The following MSI2 variants were observed in gnomAD, a reference collection of about 807,000 sequenced individuals.
MSI2 encodes the protein musashi RNA binding protein 2, also known as RNA-binding protein Musashi homolog 2.
Under a neutral mutation model 45.6 loss-of-function variants are expected in MSI2, and 17 were observed. That is an observed-to-expected ratio of 0.37 (90% CI 0.26 to 0.56). The LOEUF (loss-of-function observed/expected upper bound fraction) is 0.56. MSI2 is among the 20% of genes least tolerant of loss of function. The probability of loss-of-function intolerance (pLI) is 0.77; values close to 1 mark genes in which losing one functional copy is unlikely to be tolerated. For synonymous variants in MSI2, 156 were observed against 158.2 expected (o/e 0.99, Z 0.11); for missense variants, 293 against 444.2 (o/e 0.66, Z 3.06).
At chr17:57,665,269 T>C (rs1912285887) in intron 11 of MSI2, among the ~76,000 whole-genome samples, 1 of 152,204 alleles carries the variant, frequency 6.6e-6, no homozygotes, top group Non-Finnish European at 1.5e-5. Context: ...ATTAAGGGCA[T>C]GTACCAGTAG....
chr17:57,622,966 C>T (rs1042316070), intron 9 of MSI2, among the ~76,000 whole-genome samples: 20 of 152,114 alleles, frequency 1.3e-4, no homozygotes, highest in African/African-American at 3.4e-4. Context: ...TATCACTAGC[C>T]GCCTGTGCAC....
intron 5 of MSI2, among the ~76,000 whole-genome samples, chr17:57,357,103 G>T (rs1457076966): frequency 2.0e-5 from 3 of 152,126 alleles, no homozygotes; most frequent in Non-Finnish European, 4.4e-5. Context: ...TCTCCTTAAT[G>T]ATTCAGGCCT....
chr17:57,349,400 G>T (rs1915849817), intron 5 of MSI2, among the ~76,000 whole-genome samples: 1 of 152,192 alleles, frequency 6.6e-6, no homozygotes, highest in African/African-American at 2.4e-5. Flanking sequence ...TGAGAAGCGT[G>T]TGGTAAACTC....
intron 11 of MSI2, among the ~76,000 whole-genome samples, chr17:57,663,432 G>A (rs920101262): frequency 5.9e-5 from 9 of 152,186 alleles, no homozygotes; most frequent in Non-Finnish European, 1.2e-4. Context: ...TGTGTAGCCG[G>A]GAAAGGCACC....
intron 5 of MSI2, among the ~76,000 whole-genome samples, chr17:57,367,586 A>G (rs555319799): frequency 6.6e-6 from 1 of 152,322 alleles, no homozygotes; most frequent in Non-Finnish European, 1.5e-5. Flanking sequence ...CCTGTAGCTT[A>G]GGAACAGCAG....
intron 6 of MSI2, among the ~76,000 whole-genome samples, chr17:57,500,790 CAAAAAAA>C (rs58479533): frequency 9.3e-6 from 1 of 107,138 alleles, no homozygotes; most frequent in South Asian, 3.3e-4. Context: ...CTGTCTCTAC[CAAAAAAA>C]AAAAAAAAAA....
chr17:57,622,503 G>A (rs559342060), intron 9 of MSI2, among the ~76,000 whole-genome samples: 34 of 152,332 alleles, frequency 2.2e-4, no homozygotes, highest in African/African-American at 7.7e-4. Context: ...TCAAAGAAAA[G>A]CTTCACCCTA....
intron 10 of MSI2, among the ~76,000 whole-genome samples, chr17:57,633,977 G>A (rs1241346462): frequency 6.6e-6 from 1 of 152,056 alleles, no homozygotes; most frequent in African/African-American, 2.4e-5. Flanking sequence ...CCTCCCCACC[G>A]TCAGGCCCCA....
intron 5 of MSI2, among the ~76,000 whole-genome samples, chr17:57,286,228 T>C (rs186077462): frequency 6.6e-6 from 1 of 152,204 alleles, no homozygotes; most frequent in Admixed American, 6.5e-5. Flanking sequence ...AAACAACAAA[T>C]AGTCTTTTTT....
chr17:57,329,913 C>T (rs560060931), intron 5 of MSI2, among the ~76,000 whole-genome samples: 31 of 151,994 alleles, frequency 2.0e-4, no homozygotes, highest in Admixed American at 6.5e-5. Flanking sequence ...TGGAACTTGC[C>T]TATTAAAGTT....
chr17:57,397,732 C>A (rs1000141384), intron 5 of MSI2, among the ~76,000 whole-genome samples: 2 of 152,210 alleles, frequency 1.3e-5, no homozygotes, highest in African/African-American at 4.8e-5. Flanking sequence ...ATGCCCCTGG[C>A]GGGAGAGGTC....
rs147580659 is a variant in MSI2, at chr17:57,589,599, C to G, written c.455-7269C>G. Among the ~76,000 whole-genome samples the G allele has an allele frequency of 1.1e-3, 169 of 152,310 alleles. 1 individual carries two copies. The East Asian group carries it at 0.012, about 11-fold the overall frequency. On this transcript the variant is annotated intron_variant, in intron 7 of 13. Coordinates refer to ENST00000284073, the MANE Select transcript of MSI2 (RefSeq NM_138962.4). ...AATGGACGCACAGCCAACTGGGGCTCGACTTGTGACGATGCAAGCACACCA... is the reference window on the plus strand; with the variant it reads ...AATGGACGCACAGCCAACTGGGGCTGGACTTGTGACGATGCAAGCACACCA...
intron 5 of MSI2, among the ~76,000 whole-genome samples, chr17:57,277,062 T>C (rs575269693): frequency 0.011 from 1,613 of 142,402 alleles, 35 homozygotes; most frequent in African/African-American, 0.038. Flanking sequence ...TCTTTTTTTT[T>C]TTTTTTTTTT....
Position 57,529,871 on chromosome 17 carries a change from G to C in MSI2, c.454+147G>C. The stretch of plus-strand genomic sequence containing the variant: ...CATCCATTGAAGATCTTTATTCACG[G>C]AGAGTCCCAGTAGCACAAAGAGTTC... On this transcript the variant is annotated intron_variant, in intron 7 of 13. Transcript: ENST00000284073. The surrounding 1 kb of genome is among the most constrained non-coding windows in gnomAD (Gnocchi z 5.3). The C allele has an allele frequency of 1.6e-6, 1 of 644,366 alleles. No individual in the cohort carries two copies. Among genetic ancestry groups the C allele is most frequent in the Non-Finnish European group, 2.6e-6 (1 of 379,350 alleles). The allele number at this position is 644,366 out of a possible 1,614,324, so 39.9% of individuals were successfully genotyped here.
At chr17:57,677,561 A>G (rs1913324035) in intron 13 of MSI2, among the ~76,000 whole-genome samples, 1 of 152,170 alleles carries the variant, frequency 6.6e-6, no homozygotes, top group Non-Finnish European at 1.5e-5. Flanking sequence ...GGCTCAGCCA[A>G]TGGGGTTCAT....
At chr17:57,326,416 A>G (rs868730) in intron 5 of MSI2, among the ~76,000 whole-genome samples, 4,276 of 152,160 alleles carry the variant, frequency 0.028, 91 homozygotes, top group Non-Finnish European at 0.042. Flanking sequence ...AAGCAGAAAC[A>G]CCTACATCCA....
At position 57,502,499 on chromosome 17, in the gene MSI2, G is replaced by A. The variant is rs148847648; in HGVS notation, c.406-27177G>A. ...AACTAGATAACTTTGTGAAATGGCC[G>A]GCATAGTGTCAGATCTACAGTAATT... On this transcript the variant is annotated intron_variant, in intron 6 of 13. Coordinates refer to ENST00000284073, the MANE Select transcript of MSI2 (RefSeq NM_138962.4). Among the ~76,000 whole-genome samples the A allele has an allele frequency of 7.1e-3, 1,075 of 150,626 alleles. 18 individuals are homozygous for A. The highest frequency in any genetic ancestry group is 0.024 in the African/African-American group (984 of 40,992).
rs1913707882 is a variant in MSI2, at chr17:57,683,006, G to T, written c.*3489G>T. On this transcript the variant is annotated 3_prime_UTR_variant, in exon 14 of 14. Transcript: ENST00000284073. The surrounding 1 kb of genome is among the most constrained non-coding windows in gnomAD (Gnocchi z 5.2). ...TCCTTATATCCACTGGGAACAAACA[G>T]CCTCGCGCTCTATACCAAACAGCCT... 2.2e-5 allele frequency: 5 copies of T among 229,826 alleles called. No homozygotes were observed. The highest frequency in any genetic ancestry group is 3.4e-5 in the Non-Finnish European group (4 of 115,966). 14.2% of individuals were successfully genotyped at this position (229,826 alleles called of 1,614,324 possible).
chr17:57,438,823 G>A lies in MSI2; in HGVS notation c.405+37352G>A, dbSNP rs142454745. Among the ~76,000 whole-genome samples the A allele has an allele frequency of 9.1e-3, 1,259 of 138,898 alleles. 19 individuals are homozygous for A. Among genetic ancestry groups the A allele is most frequent in the African/African-American group, 0.025 (956 of 38,838 alleles). 91.1% of individuals were successfully genotyped at this position (138,898 alleles called of 152,430 possible). A position where few individuals can be genotyped will look rare whatever the true frequency, so the allele number is the denominator to read the frequency against. ...GAATTTTTTTTTTTTTTGAGACTGC[G>A]TTTGTTTCATTCTTGTTGCCCAGGC... is the stretch of plus-strand genomic sequence containing the variant. On this transcript the variant is annotated intron_variant, in intron 6 of 13. Coordinates refer to ENST00000284073, the MANE Select transcript of MSI2 (RefSeq NM_138962.4).
Sources: allele counts gnomAD v4.1 joint callset (sites outside exome capture counted in the v4.1 genomes callset), GRCh38; gene constraint gnomAD v4.1.1; non-coding constraint Gnocchi (gnomAD v3.1); transcripts MANE v1.5; gene names NCBI Gene and HGNC (gene_info 2026-07-23, HGNC 2026-07-21).